Variants in SNAPC4 observed in about 807,000 individuals in gnomAD.
The protein encoded by SNAPC4 is snRNA-activating protein complex subunit 4.
SNAPC4 carries 127 observed loss-of-function variants against 151.3 expected under a neutral mutation model. That is an observed-to-expected ratio of 0.84 (90% confidence interval 0.73 to 0.97). SNAPC4 has a LOEUF of 0.97. SNAPC4 is among the 50% of genes least tolerant of loss of function. The pLI is 0.00. For missense variants in SNAPC4, 2,186 were observed against 1,935.0 expected (o/e 1.13, Z -2.43); for synonymous variants, 1,002 against 824.4 (o/e 1.22, Z -3.69).
At chr9:136,396,269 C>T (rs2131517436) in intron 3 of SNAPC4, among the ~76,000 whole-genome samples, 1 of 152,352 alleles carries the variant, frequency 6.6e-6, no homozygotes, top group Non-Finnish European at 1.5e-5. Flanking sequence ...ACCACACAGC[C>T]ACGCAAACAT....
chr9:136,382,414 C>T lies in SNAPC4; in HGVS notation c.1984-78G>A, dbSNP rs552694005. 19 of 1,196,632 alleles carry T rather than the reference C, an allele frequency of 1.6e-5. No homozygotes were observed. In the South Asian group the frequency reaches 1.8e-4, roughly 11 times the overall value. 74.1% of individuals were successfully genotyped at this position (1,196,632 alleles called of 1,614,324 possible). ...GGGCCCTCCCCTCGCTGCCCACACA[C>T]GACTGCCTCTTCACCCAGGCTCCAA... On this transcript the variant is annotated intron_variant, in intron 16 of 23. Transcript: ENST00000684778.
At chr9:136,388,735 C>T (rs181413850) in intron 10 of SNAPC4, 144 bp from the exon 11 acceptor site, 10 of 876,922 alleles carry the variant, frequency 1.1e-5, no homozygotes, top group Non-Finnish European at 1.8e-5. Context: ...CTCCCAGACT[C>T]CTGTGGGCTG....
Position 136,381,315 on chromosome 9 carries a change from A to G in SNAPC4, c.2388+7T>C. 5 of 1,610,598 alleles carry G rather than the reference A, an allele frequency of 3.1e-6. No individual in the cohort carries two copies. Among genetic ancestry groups the G allele is most frequent in the Non-Finnish European group, 3.4e-6 (4 of 1,178,080 alleles). ...AAGGAAAACGAAGCTCTGCCCAAGT[A>G]GCTTACCTGGGTAAACAGGGTAAAC... On this transcript the variant is annotated splice_region_variant and intron_variant, in intron 19 of 23. Transcript: ENST00000684778.
At chr9:136,389,960 G>C (rs1265223976) in intron 10 of SNAPC4, among the ~76,000 whole-genome samples, 1 of 152,196 alleles carries the variant, frequency 6.6e-6, no homozygotes, top group Non-Finnish European at 1.5e-5. Context: ...GATATTAACA[G>C]AGAAGCATGT....
chr9:136,383,160 G>C lies in SNAPC4; in HGVS notation c.1983+26C>G. On this transcript the variant is annotated intron_variant, in intron 16 of 23. Transcript: ENST00000684778. This position sits in a 1 kb window ranked among gnomAD's most constrained non-coding sequence, Gnocchi z 4.2. ...AGCGAGTGCCGAAAGTGCACTTCCC[G>C]TGGTACACCCAGGGCCGGGGCCTAC... 1 of 1,514,212 alleles carries C rather than the reference G, an allele frequency of 6.6e-7. No homozygotes were observed. Among genetic ancestry groups the C allele is most frequent in the East Asian group, 2.3e-5 (1 of 43,924 alleles). 93.8% of individuals were successfully genotyped at this position (1,514,212 alleles called of 1,614,324 possible).
Position 136,383,562 on chromosome 9 carries a change from CT to C in SNAPC4, c.1606del (p.Ser536AlafsTer132). Reference protein sequence around the residue: ...SSSGSSGGSSSSSSSSSEEDE... With the variant: ...SSSGSSGGSSXSSSSSSEEDE... ...CTCCTCGCTGCTGCTGCTGCTGCTG[CT>C]GCTGCTCCCTCCACTGCTGCCACTG... is the stretch of plus-strand genomic sequence containing the variant. On this transcript the variant is annotated frameshift_variant, in exon 16 of 24. Coordinates refer to ENST00000684778, the MANE Select transcript of SNAPC4 (RefSeq NM_003086.4). LOFTEE classifies it high-confidence loss of function. The surrounding 1 kb of genome is among the most constrained non-coding windows in gnomAD (Gnocchi z 4.2). The C allele has an allele frequency of 6.2e-7, 1 of 1,607,694 alleles. No homozygotes were observed. Among genetic ancestry groups the C allele is most frequent in the Non-Finnish European group, 8.5e-7 (1 of 1,177,708 alleles).
rs776119080 is a variant in SNAPC4, at chr9:136,383,618, C to T, written c.1551G>A (p.Arg517=). 1.2e-6 allele frequency: 2 copies of T among 1,611,734 alleles called. No individual in the cohort carries two copies. The highest frequency in any genetic ancestry group is 1.7e-5 in the Admixed American group (1 of 59,984). ...RRRRRARHSV[R]WSSTSSSGSS... The stretch of plus-strand genomic sequence containing the variant: ...TGCCGCTGCTGCTGGTAGAGCTCCA[C>T]CGGACGCTGTGACGGGCCCTCCGCC... Residue 517 remains arginine (R), a synonymous_variant, in exon 16 of 24, where the codon CGG becomes CGA. Transcript: ENST00000684778. The surrounding 1 kb of genome is among the most constrained non-coding windows in gnomAD (Gnocchi z 4.2).
rs1834103469 is a variant in SNAPC4, at chr9:136,392,247, G to A, written c.811-141C>T. The A allele has an allele frequency of 3.7e-6, 4 of 1,078,694 alleles. No homozygotes were observed. The Admixed American group carries it at 7.6e-5, about 21-fold the overall frequency. The allele number at this position is 1,078,694 out of a possible 1,614,324, so 66.8% of individuals were successfully genotyped here. Reference sequence around the variant, plus strand: ...AGCGCAATCTTCGTCCAACTCACTAGGCCTTGCATAGCCAAACATGTAGAC... The same window carrying A: ...AGCGCAATCTTCGTCCAACTCACTAAGCCTTGCATAGCCAAACATGTAGAC... On this transcript the variant is annotated intron_variant, in intron 9 of 23. Transcript: ENST00000684778.
At chr9:136,397,467 G>GT (rs1008064260) in intron 2 of SNAPC4, among the ~76,000 whole-genome samples, 3 of 150,058 alleles carry the variant, frequency 2.0e-5, no homozygotes, top group Non-Finnish European at 4.4e-5. Context: ...AAGGCTGGGG[G>GT]GGTCTCCTGT....
chr9:136,386,267 T>C (rs755302119), intron 13 of SNAPC4, among the ~76,000 whole-genome samples: 1 of 152,110 alleles, frequency 6.6e-6, no homozygotes, highest in South Asian at 2.1e-4. Context: ...TGCATCTTCT[T>C]TGGAGAGACG....
In SNAPC4 at chr9:136,395,685, T is replaced by C. The variant is rs1409759593; in HGVS notation, c.263A>G (p.Gln88Arg). The C allele has an allele frequency of 1.9e-6, 3 of 1,613,472 alleles. No homozygotes were observed. Among genetic ancestry groups the C allele is most frequent in the Non-Finnish European group, 2.5e-6 (3 of 1,179,992 alleles). ...TLPEDPETCLQLNMVYQEVIQ... is the reference protein window; with the variant it reads ...TLPEDPETCLRLNMVYQEVIQ... ...GACCTCCTGGTAGACCATGTTCAGC[T>C]GCAGGCAGGTTTCTGGGTCTTCAGG... Residue 88 changes from glutamine to arginine, a missense_variant, in exon 4 of 24, where the codon CAG (glutamine) becomes CGG (arginine). By Grantham distance (43) the Gln-to-Arg change is conservative (BLOSUM62 1). Transcript: ENST00000684778.
chr9:136,386,434 ATTT>A (rs1022722686), intron 13 of SNAPC4, among the ~76,000 whole-genome samples: 4 of 128,896 alleles, frequency 3.1e-5, no homozygotes, highest in Admixed American at 8.0e-5. Flanking sequence ...TCTACACTTC[ATTT>A]TTTTTTTTTT....
Position 136,384,627 on chromosome 9 carries a change from C to T in SNAPC4, c.1420+93G>A, listed in dbSNP as rs113991169. 52 of 662,242 alleles carry T rather than the reference C, an allele frequency of 7.9e-5. No individual in the cohort carries two copies. In the Middle Eastern group the frequency reaches 1.5e-3, roughly 19 times the overall value. The allele number at this position is 662,242 out of a possible 1,614,324, so 41.0% of individuals were successfully genotyped here. The stretch of plus-strand genomic sequence containing the variant: ...TCGCACCACCGCACCCCAGCCTGGA[C>T]GACAGAGCTTGCTCTGTCTTTATCT... On this transcript the variant is annotated intron_variant, in intron 14 of 23. Coordinates refer to ENST00000684778, the MANE Select transcript of SNAPC4 (RefSeq NM_003086.4).
Position 136,394,323 on chromosome 9 carries a change from G to C in SNAPC4, c.558C>G (p.Asn186Lys), listed in dbSNP as rs566954897. The C allele has an allele frequency of 6.2e-7, 1 of 1,613,592 alleles. No individual in the cohort carries two copies. The highest frequency in any genetic ancestry group is 1.3e-5 in the African/African-American group (1 of 75,068). ...FEELLVTKWK[N>K]WEKALLRKSV... ...ACTTTCGGAGCAAGGCCTTTTCCCA[G>C]TTTTTCCCTGAGGAGAAGCCACAGC... Residue 186 changes from asparagine (N) to lysine (K), a missense_variant, in exon 7 of 24, where the codon AAC (asparagine) becomes AAG (lysine). By Grantham distance (94) the Asn-to-Lys change is moderately conservative. Transcript: ENST00000684778.
Position 136,378,397 on chromosome 9 carries a change from G to T in SNAPC4, c.3430C>A (p.Pro1144Thr), listed in dbSNP as rs141588170. Reference protein sequence around the residue: ...WQPPANMNREPEPSCRTDTPA... With the variant: ...WQPPANMNRETEPSCRTDTPA... ...GTGTCTGTCCTGCAGGAAGGCTCCGGTTCCCTGTTCATATTGGCTGGGGGC... is the reference window on the plus strand; with the variant it reads ...GTGTCTGTCCTGCAGGAAGGCTCCGTTTCCCTGTTCATATTGGCTGGGGGC... The change falls in exon 22 of 24, where the codon CCG (proline) becomes ACG (threonine). Residue 1144 changes from proline to threonine, a missense_variant. Physicochemically the swap from Pro to Thr is conservative, Grantham distance 38. Coordinates refer to ENST00000684778, the MANE Select transcript of SNAPC4 (RefSeq NM_003086.4). The T allele has an allele frequency of 8.6e-5, 139 of 1,608,606 alleles. 1 individual carries two copies. In the East Asian group the frequency reaches 3.0e-3, roughly 35 times the overall value.
At chr9:136,381,423 GC>G in intron 18 of SNAPC4, 31 bp from the exon 19 acceptor site, 1 of 1,590,902 alleles carries the variant, frequency 6.3e-7, no homozygotes, top group Non-Finnish European at 8.6e-7. Flanking sequence ...GTGGAAAGCA[GC>G]CCCAGCTCCC....
In SNAPC4 at chr9:136,384,827, T is replaced by A. The variant is rs775826911; in HGVS notation, c.1326-13A>T. The A allele has an allele frequency of 6.6e-7, 1 of 1,516,578 alleles. No homozygotes were observed. Among genetic ancestry groups the A allele is most frequent in the South Asian group, 1.2e-5 (1 of 83,082 alleles). The allele number at this position is 1,516,578 out of a possible 1,614,324, so 93.9% of individuals were successfully genotyped here. ...TCTCCTGAGATACCTGAACGTGACATGAAAAGCAAAGAACGTTTTAGATGC... is the reference window on the plus strand; with the variant it reads ...TCTCCTGAGATACCTGAACGTGACAAGAAAAGCAAAGAACGTTTTAGATGC... On this transcript the variant is annotated splice_polypyrimidine_tract_variant and intron_variant, in intron 13 of 23. Transcript: ENST00000684778.
rs1395112260 is a variant in SNAPC4 at position 136,377,731 on chromosome 9, C to A, written c.4096G>T (p.Ala1366Ser). The A allele has an allele frequency of 6.2e-7, 1 of 1,609,298 alleles. No homozygotes were observed. The change falls in exon 22 of 24, where the codon GCG becomes TCG. Residue 1366 changes from alanine (A) to serine (S), a missense_variant. Transcript: ENST00000684778. ...QDNPAYLLLRARFLAAFTLPA... is the reference protein window; with the variant it reads ...QDNPAYLLLRSRFLAAFTLPA... ...AGGGTGAAGGCTGCCAGGAACCGCGCCCGCAACAGGAGGTAGGCCGGGTTG... is the reference window on the plus strand; with the variant it reads ...AGGGTGAAGGCTGCCAGGAACCGCGACCGCAACAGGAGGTAGGCCGGGTTG...
intron 6 of SNAPC4, among the ~76,000 whole-genome samples, 196 bp downstream of exon 6, chr9:136,394,604 G>A (rs1834195635): frequency 6.6e-6 from 1 of 152,230 alleles, no homozygotes; most frequent in Non-Finnish European, 1.5e-5. Context: ...AGCCCCTCGT[G>A]ACTGGTGTTC....
Sources: gnomAD v4.1 joint callset for allele counts (sites outside exome capture counted in the v4.1 genomes callset) on GRCh38, gnomAD v4.1.1 for gene constraint, Gnocchi (gnomAD v3.1) non-coding constraint, MANE v1.5 for transcripts, NCBI Gene and HGNC (gene_info 2026-07-23, HGNC 2026-07-21) for gene names.